The following CHST9 variants were observed in gnomAD, a reference collection of about 807,000 sequenced individuals.
CHST9 encodes carbohydrate sulfotransferase 9, also known as GalNAc-4-sulfotransferase 2.
In CHST9, 41 loss-of-function variants were observed where a neutral mutation model predicts 44.4. That is an observed-to-expected ratio of 0.92 (90% CI 0.72 to 1.20). The LOEUF (loss-of-function observed/expected upper bound fraction) is 1.20, where lower values mean the gene tolerates loss of function less well. Ranked by LOEUF, CHST9 falls within the 50% of genes most tolerant of loss-of-function variation. The pLI is 0.00. For missense variants in CHST9, 504 were observed against 516.5 expected, an observed-to-expected ratio of 0.98 and a Z score of 0.23; for synonymous variants, 171 against 178.4, an observed-to-expected ratio of 0.96 and a Z score of 0.33.
chr18:27,135,218 A>G (rs2058503739), intron 2 of CHST9, among the ~76,000 whole-genome samples: 1 of 152,210 alleles, frequency 6.6e-6, no homozygotes, highest in Admixed American at 6.5e-5. Flanking sequence ...GGGACAAAAA[A>G]GTGCTTTAAA....
intron 3 of CHST9, among the ~76,000 whole-genome samples, chr18:27,045,057 A>C (rs188183705): frequency 3.8e-4 from 58 of 152,052 alleles, no homozygotes; most frequent in Non-Finnish European, 7.7e-4. Flanking sequence ...AAAAAAAAAA[A>C]AAAACCATTG....
chr18:26,975,259 C>A (rs1338759422), intron 4 of CHST9, among the ~76,000 whole-genome samples: 1 of 152,094 alleles, frequency 6.6e-6, no homozygotes, highest in African/African-American at 2.4e-5. Context: ...GGAAGGAGCC[C>A]ACACTCAGCC....
chr18:26,950,811 C>A (rs1370825100), intron 4 of CHST9, among the ~76,000 whole-genome samples: 5 of 152,152 alleles, frequency 3.3e-5, no homozygotes, highest in African/African-American at 1.2e-4. Context: ...ATCTCAGAAT[C>A]ACCACTGAAG....
chr18:27,174,077 A>G (rs1598779756), intron 1 of CHST9, among the ~76,000 whole-genome samples: 1 of 151,996 alleles, frequency 6.6e-6, no homozygotes, highest in East Asian at 1.9e-4. Flanking sequence ...ATCACACTCA[A>G]GAAATTGAAC....
intron 2 of CHST9, among the ~76,000 whole-genome samples, chr18:27,124,095 G>A (rs2058399263): frequency 6.6e-6 from 1 of 152,216 alleles, no homozygotes; most frequent in South Asian, 2.1e-4. Context: ...ACACACAAAT[G>A]TAACAACCCA....
chr18:27,141,286 A>G (rs1388183734), intron 2 of CHST9, among the ~76,000 whole-genome samples: 2 of 152,086 alleles, frequency 1.3e-5, no homozygotes, highest in Admixed American at 1.3e-4. Flanking sequence ...AATGGCGTGA[A>G]CCCAGCAGGC....
At chr18:27,143,761 G>T (rs2058588303) in intron 1 of CHST9, among the ~76,000 whole-genome samples, 1 of 151,854 alleles carries the variant, frequency 6.6e-6, no homozygotes, top group Admixed American at 6.6e-5. Flanking sequence ...GTGGATGCAG[G>T]GAGGGGAACA....
Position 26,975,664 on chromosome 18 carries a change from T to TATATATA in CHST9, c.203-31299_203-31298insTATATAT, listed in dbSNP as rs1348331935. Among the ~76,000 whole-genome samples, 1,642 of 144,194 alleles carry TATATATA rather than the reference T, an allele frequency of 0.011. 148 individuals carry two copies. The East Asian group carries it at 0.23, about 20-fold the overall frequency. The allele number at this position is 144,194 out of a possible 152,430, so 94.6% of individuals were successfully genotyped here. A position where few individuals can be genotyped will look rare whatever the true frequency, so the allele number is the denominator to read the frequency against. ...ATGTATGTGTGTATATATATATATA[T>TATATATA]ATATAAATATATGTATATATGTGTG... On this transcript the variant is annotated intron_variant, in intron 4 of 5. Coordinates refer to ENST00000618847, the MANE Select transcript of CHST9 (RefSeq NM_031422.6).
intron 5 of CHST9, among the ~76,000 whole-genome samples, chr18:26,925,210 A>C (rs1035750804): frequency 6.6e-6 from 1 of 152,192 alleles, no homozygotes; most frequent in Non-Finnish European, 1.5e-5. Context: ...GGGAGAAACT[A>C]TGAGCCAGGC....
At chr18:27,017,355 T>C (rs535169264) in intron 4 of CHST9, among the ~76,000 whole-genome samples, 35 of 152,176 alleles carry the variant, frequency 2.3e-4, no homozygotes, top group Middle Eastern at 3.4e-3. Context: ...CTAGAAACAA[T>C]CCAAATGTCA....
chr18:27,143,235 AG>A (rs2058583014), intron 1 of CHST9, among the ~76,000 whole-genome samples: 1 of 152,208 alleles, frequency 6.6e-6, no homozygotes, highest in Non-Finnish European at 1.5e-5. Flanking sequence ...GAAGAATAAC[AG>A]AATGGGTTGT....
chr18:27,128,968 GC>G (rs369618237), intron 2 of CHST9, among the ~76,000 whole-genome samples: 1,652 of 152,220 alleles, frequency 0.011, 24 homozygotes, highest in African/African-American at 0.034. Context: ...TATGTTCTAG[GC>G]CCTGTGGTCC....
Position 26,913,122 on chromosome 18 carries a change from C to T in CHST9, c.*3137G>A, listed in dbSNP as rs2055464333. 6.6e-6 allele frequency: 1 copy of T among 152,168 alleles called. No homozygotes were observed. Among genetic ancestry groups the T allele is most frequent in the African/African-American group, 2.4e-5 (1 of 41,442 alleles). The allele number at this position is 152,168 out of a possible 1,614,324, so 9.4% of individuals were successfully genotyped here. ...AGGGCACTCTAATATTCAAAATTCT[C>T]TGCATCTTCTTATATATACCTTCTG... On this transcript the variant is annotated 3_prime_UTR_variant, in exon 6 of 6. Coordinates refer to ENST00000618847, the MANE Select transcript of CHST9 (RefSeq NM_031422.6).
Position 27,145,471 on chromosome 18 carries a change from A to C in CHST9, c.-96-2566T>G, listed in dbSNP as rs571179783. On this transcript the variant is annotated intron_variant, in intron 1 of 5. Coordinates refer to ENST00000618847, the MANE Select transcript of CHST9 (RefSeq NM_031422.6). ...AGTGCTGGGATTACAGGCGTGAGCC[A>C]CTGCCCCTGGCCTGAATAGTTATTC... 3.3e-5 allele frequency among the ~76,000 whole-genome samples: 5 copies of C among 152,360 alleles called. No homozygotes were observed. The South Asian group carries it at 1.0e-3, about 32-fold the overall frequency.
At chr18:26,982,106 A>G (rs2056698607) in intron 4 of CHST9, among the ~76,000 whole-genome samples, 1 of 152,160 alleles carries the variant, frequency 6.6e-6, no homozygotes, top group African/African-American at 2.4e-5. Context: ...TCCGCAGAGT[A>G]AAAAAGACCC....
chr18:27,159,614 A>G lies in CHST9; in HGVS notation c.-96-16709T>C, dbSNP rs577589924. 4.9e-3 allele frequency among the ~76,000 whole-genome samples: 741 copies of G among 152,224 alleles called. 6 individuals carry two copies. The highest frequency in any genetic ancestry group is 0.016 in the African/African-American group (683 of 41,522). On this transcript the variant is annotated intron_variant, in intron 1 of 5. Transcript: ENST00000618847. ...CAGGCTCGTTTTTGGTTCCATATGAACTTTAAAGCAGTTTTTTCCAATTCT... is the reference window on the plus strand; with the variant it reads ...CAGGCTCGTTTTTGGTTCCATATGAGCTTTAAAGCAGTTTTTTCCAATTCT...
chr18:26,988,541 A>G (rs1329090118), intron 4 of CHST9, among the ~76,000 whole-genome samples: 2 of 152,190 alleles, frequency 1.3e-5, no homozygotes, highest in African/African-American at 4.8e-5. Context: ...GATTCAAAAT[A>G]CATGACACAA....
intron 2 of CHST9, among the ~76,000 whole-genome samples, chr18:27,095,381 T>C (rs1014247516): frequency 2.0e-5 from 3 of 152,040 alleles, no homozygotes; most frequent in Admixed American, 1.3e-4. Context: ...AACCACACAA[T>C]AGAAACTAGA....
In CHST9 at chr18:27,069,027, C is replaced by T. The variant is rs536916906; in HGVS notation, c.122-20524G>A. On this transcript the variant is annotated intron_variant, in intron 2 of 5. Transcript: ENST00000618847. ...TTTGGATTCGGGGAAGAAATTCCTT[C>T]ACATCAGCTCAGGTTGCCAAATTGC... 3.3e-5 allele frequency among the ~76,000 whole-genome samples: 5 copies of T among 152,298 alleles called. No individual in the cohort carries two copies. The East Asian group carries it at 9.6e-4, about 29-fold the overall frequency.
Sources: gnomAD v4.1 joint callset for allele counts (sites outside exome capture counted in the v4.1 genomes callset) on GRCh38, gnomAD v4.1.1 for gene constraint, MANE v1.5 for transcripts, NCBI Gene and HGNC (gene_info 2026-07-23, HGNC 2026-07-21) for gene names.